KLRD1: variants seen among roughly 807,000 people sequenced by gnomAD.
The protein encoded by KLRD1 is natural killer cells antigen CD94.
In KLRD1, 21 loss-of-function variants were observed where a neutral mutation model predicts 22.6. That is an observed-to-expected ratio of 0.93 (90% CI 0.66 to 1.34). KLRD1 has a LOEUF of 1.34. KLRD1 is among the 40% of genes most tolerant of loss of function. KLRD1 has a pLI of 0.00. For missense variants in KLRD1, 183 were observed against 208.6 expected (o/e 0.88, Z 0.76); for synonymous variants, 59 against 71.1 (o/e 0.83, Z 0.85).
rs750090834 is a variant in KLRD1, at chr12:10,309,443, T to G, written c.63T>G (p.Leu21=). Residue 21 remains leucine, a synonymous_variant, in exon 2 of 6, where the codon CTT becomes CTG. Transcript: ENST00000336164. The part of the protein sequence containing the change: ...LISGTLGIIC[L]SLMSTLGILL... ...CTGGGACCTTAGGGATAATATGCCT[T>G]TCGTTGATGTCTACGTTGGGAATTT... is the stretch of plus-strand genomic sequence containing the variant. 1.2e-5 allele frequency: 18 copies of G among 1,556,766 alleles called. No individual in the cohort carries two copies. The South Asian group carries it at 1.8e-4, about 15-fold the overall frequency.
intron 1 of KLRD1, among the ~76,000 whole-genome samples, chr12:10,254,988 A>G (rs1292011006): frequency 6.7e-6 from 1 of 150,094 alleles, no homozygotes; most frequent in Non-Finnish European, 1.5e-5. Context: ...CAAGCACATG[A>G]AAAAAGCTCA....
rs1950309099 is a variant in KLRD1 at position 10,321,197 on chromosome 12, C to T, written c.*6404C>T. On this transcript the variant is annotated 3_prime_UTR_variant, in exon 6 of 6. Transcript: ENST00000336164. ...GTGACTCCTTTGTAATTCTCATGCCCCTCCCTCTTTTGAACAAGGATGTCT... is the reference window on the plus strand; with the variant it reads ...GTGACTCCTTTGTAATTCTCATGCCTCTCCCTCTTTTGAACAAGGATGTCT... 6.6e-6 allele frequency: 1 copy of T among 152,046 alleles called. No homozygotes were observed. Among genetic ancestry groups the T allele is most frequent in the African/African-American group, 2.4e-5 (1 of 41,392 alleles). 9.4% of individuals were successfully genotyped at this position (152,046 alleles called of 1,614,324 possible).
At chr12:10,257,812 T>A (rs1313530921) in intron 1 of KLRD1, among the ~76,000 whole-genome samples, 1 of 152,080 alleles carries the variant, frequency 6.6e-6, no homozygotes, top group Non-Finnish European at 1.5e-5. Flanking sequence ...TTTTGAAAAT[T>A]GAGCACTTGA....
At chr12:10,313,074 G>T (rs1008257751) in intron 4 of KLRD1, among the ~76,000 whole-genome samples, 8 of 151,954 alleles carry the variant, frequency 5.3e-5, no homozygotes, top group African/African-American at 1.9e-4. Flanking sequence ...TATACCCATG[G>T]GATTCCTCCT....
At chr12:10,304,062 G>A (rs1949890023), upstream of KLRD1, among the ~76,000 whole-genome samples, 1 of 152,170 alleles carries the variant, frequency 6.6e-6, no homozygotes, top group Non-Finnish European at 1.5e-5. Context: ...TAACATAAAG[G>A]ATTGGATTGT....
At chr12:10,287,761 G>T (rs904611554) in intron 1 of KLRD1, among the ~76,000 whole-genome samples, 6 of 151,956 alleles carry the variant, frequency 3.9e-5, no homozygotes, top group African/African-American at 1.5e-4. Context: ...GTCTAAATAC[G>T]GATTTTTACC....
chr12:10,250,630 G>A (rs1949338200), intron 1 of KLRD1, among the ~76,000 whole-genome samples: 1 of 151,822 alleles, frequency 6.6e-6, no homozygotes, highest in Non-Finnish European at 1.5e-5. Context: ...GCTAATTTTT[G>A]TATTTGTCCC....
chr12:10,309,513 C>A (rs759906229), intron 2 of KLRD1, 33 bp downstream of exon 2: 3 of 1,334,676 alleles, frequency 2.2e-6, no homozygotes, highest in South Asian at 2.3e-5. Flanking sequence ...CCATAAAAAT[C>A]AAAACTGTGA....
At chr12:10,292,038 A>G (rs1003552269) in intron 1 of KLRD1, among the ~76,000 whole-genome samples, 4 of 152,106 alleles carry the variant, frequency 2.6e-5, no homozygotes, top group African/African-American at 9.7e-5. Flanking sequence ...TATTCAGTCT[A>G]TCATTGATGG....
chr12:10,267,689 G>A (rs1469951145), intron 1 of KLRD1, among the ~76,000 whole-genome samples: 1 of 152,174 alleles, frequency 6.6e-6, no homozygotes, highest in African/African-American at 2.4e-5. Flanking sequence ...AATGAAAGAA[G>A]AGGAGTCTGT....
chr12:10,242,731 G>A (rs1296870935), intron 1 of KLRD1, among the ~76,000 whole-genome samples: 1 of 152,132 alleles, frequency 6.6e-6, no homozygotes. Flanking sequence ...TTTGATAATA[G>A]CCAGTCTGTA....
At chr12:10,278,055 G>A (rs939259372) in intron 1 of KLRD1, among the ~76,000 whole-genome samples, 1 of 152,192 alleles carries the variant, frequency 6.6e-6, no homozygotes, top group African/African-American at 2.4e-5. Flanking sequence ...TGTTTCTTAT[G>A]CAGAGGCTTC....
intron 1 of KLRD1, among the ~76,000 whole-genome samples, chr12:10,247,682 G>T (rs1457824756): frequency 1.3e-5 from 2 of 152,104 alleles, no homozygotes; most frequent in African/African-American, 4.8e-5. Flanking sequence ...GTCATGGGAG[G>T]GACCAAGTGG....
chr12:10,260,107 CCA>C (rs1949438052), intron 1 of KLRD1, among the ~76,000 whole-genome samples: 1 of 16,252 alleles, frequency 6.2e-5, no homozygotes, highest in Non-Finnish European at 4.5e-3. Flanking sequence ...CATATCATTC[CCA>C]TCTGTATAAC....
chr12:10,272,060 T>G (rs1949555744), intron 1 of KLRD1, among the ~76,000 whole-genome samples: 1 of 152,150 alleles, frequency 6.6e-6, no homozygotes, highest in African/African-American at 2.4e-5. Context: ...AAGAATATAA[T>G]GGGCATTAGC....
At chr12:10,266,745 TG>T (rs1427015652) in intron 1 of KLRD1, among the ~76,000 whole-genome samples, 2 of 151,914 alleles carry the variant, frequency 1.3e-5, no homozygotes, top group Non-Finnish European at 2.9e-5. Context: ...CAGGTGCATA[TG>T]ACTTTATTAT....
At chr12:10,272,017 G>A (rs1949555296) in intron 1 of KLRD1, among the ~76,000 whole-genome samples, 2 of 152,114 alleles carry the variant, frequency 1.3e-5, no homozygotes, top group African/African-American at 2.4e-5. Flanking sequence ...TTTAGTAGTA[G>A]TAATAATACC....
At chr12:10,311,023 T>C (rs1404671839) in intron 3 of KLRD1, among the ~76,000 whole-genome samples, 1 of 152,216 alleles carries the variant, frequency 6.6e-6, no homozygotes, top group African/African-American at 2.4e-5. Context: ...CATATTCTTT[T>C]CTGACTCAGA....
chr12:10,276,363 A>C (rs929210372), intron 1 of KLRD1, among the ~76,000 whole-genome samples: 1 of 152,074 alleles, frequency 6.6e-6, no homozygotes, highest in African/African-American at 2.4e-5. Context: ...AATGTTTATA[A>C]ATTTCTCTAG....
Sources: allele counts gnomAD v4.1 joint callset (sites outside exome capture counted in the v4.1 genomes callset), GRCh38; gene constraint gnomAD v4.1.1; transcripts MANE v1.5; gene names NCBI Gene and HGNC (gene_info 2026-07-23, HGNC 2026-07-21).